The following NDUFAF2 variants were observed in gnomAD, a reference collection of about 807,000 sequenced individuals.
NDUFAF2 encodes the protein NADH:ubiquinone oxidoreductase complex assembly factor 2, also known as NADH dehydrogenase [ubiquinone] 1 alpha subcomplex assembly factor 2.
A neutral mutation model predicts 22.8 loss-of-function variants in NDUFAF2; 13 were observed. That is an observed-to-expected ratio of 0.57 (90% CI 0.37 to 0.91). The LOEUF is 0.91. Ranked by LOEUF, NDUFAF2 falls within the 40% of genes least tolerant of loss-of-function variation. The pLI is 0.01. For missense variants in NDUFAF2, 162 were observed against 195.2 expected (o/e 0.83, Z 1.01); for synonymous variants, 53 against 64.2 (o/e 0.83, Z 0.84).
At chr5:61,128,596 A>G (rs1753067155) in intron 3 of NDUFAF2, among the ~76,000 whole-genome samples, 1 of 152,222 alleles carries the variant, frequency 6.6e-6, no homozygotes, top group South Asian at 2.1e-4. Context: ...GGCTAGCCAT[A>G]TGTAGAGAGC....
intron 1 of NDUFAF2, among the ~76,000 whole-genome samples, chr5:61,066,777 A>G (rs920534207): frequency 6.6e-6 from 1 of 152,068 alleles, no homozygotes; most frequent in Non-Finnish European, 1.5e-5. Context: ...GTATTTTTTA[A>G]ATTTGTATTT....
rs569012292 is a variant in NDUFAF2, at chr5:61,149,156, A to G, written c.259-3548A>G. 4.6e-5 allele frequency among the ~76,000 whole-genome samples: 7 copies of G among 152,230 alleles called. No individual in the cohort carries two copies. The South Asian group carries it at 1.5e-3, about 32-fold the overall frequency. On this transcript the variant is annotated intron_variant, in intron 3 of 3. Transcript: ENST00000296597. ...TGGCTAATTTGTGTATTTTTAGTAGAGACAGGGTTTTGCCATGTTGGCCAG... is the reference window on the plus strand; with the variant it reads ...TGGCTAATTTGTGTATTTTTAGTAGGGACAGGGTTTTGCCATGTTGGCCAG...
At chr5:61,101,092 A>ACC (rs1752700007) in intron 3 of NDUFAF2, among the ~76,000 whole-genome samples, 1 of 152,142 alleles carries the variant, frequency 6.6e-6, no homozygotes, top group Non-Finnish European at 1.5e-5. Context: ...TACACTCTTC[A>ACC]AATCCAAATT....
intron 1 of NDUFAF2, among the ~76,000 whole-genome samples, chr5:60,981,115 A>G (rs190911179): frequency 3.9e-5 from 6 of 152,276 alleles, no homozygotes; most frequent in Admixed American, 3.9e-4. Context: ...TTTAACCCAA[A>G]TAAGACTACC....
intron 1 of NDUFAF2, among the ~76,000 whole-genome samples, chr5:61,056,174 C>T (rs900287359): frequency 6.6e-6 from 1 of 152,090 alleles, no homozygotes; most frequent in Non-Finnish European, 1.5e-5. Context: ...TTATTTTATT[C>T]TTTTGTAGGT....
intron 1 of NDUFAF2, among the ~76,000 whole-genome samples, chr5:60,948,066 A>G (rs1750487263): frequency 6.6e-6 from 1 of 152,140 alleles, no homozygotes; most frequent in South Asian, 2.1e-4. Flanking sequence ...TGAAACCATC[A>G]ACACAGTCAA....
chr5:61,131,398 C>T (rs1418217059), intron 3 of NDUFAF2, among the ~76,000 whole-genome samples: 1 of 151,972 alleles, frequency 6.6e-6, no homozygotes, highest in Non-Finnish European at 1.5e-5. Context: ...GTTGTAGAGA[C>T]AGGGTCTCAC....
At chr5:61,066,988 T>C (rs1418392130) in intron 1 of NDUFAF2, among the ~76,000 whole-genome samples, 1 of 152,052 alleles carries the variant, frequency 6.6e-6, no homozygotes, top group Non-Finnish European at 1.5e-5. Flanking sequence ...GTAGCAGATA[T>C]GTAAGGTGAA....
rs1561141308 is a variant in NDUFAF2 at position 61,152,516 on chromosome 5, T to C, written c.259-188T>C. On this transcript the variant is annotated intron_variant, in intron 3 of 3. Coordinates refer to ENST00000296597, the MANE Select transcript of NDUFAF2 (RefSeq NM_174889.5). ...AGCATAAAATCAGGACAGAACTGTT[T>C]ATGTAACATTAGTATGTAATCATAC... Among the ~76,000 whole-genome samples the C allele has an allele frequency of 1.3e-5, 2 of 152,288 alleles. 1 individual carries two copies. The highest frequency in any genetic ancestry group is 3.9e-4 in the East Asian group (2 of 5,182).
At chr5:60,994,656 T>A (rs1319672662) in intron 1 of NDUFAF2, among the ~76,000 whole-genome samples, 2 of 152,230 alleles carry the variant, frequency 1.3e-5, no homozygotes, top group African/African-American at 4.8e-5. Context: ...TATTATTAAA[T>A]GTCTTGAAGT....
At chr5:60,969,309 A>G (rs561178817) in intron 1 of NDUFAF2, among the ~76,000 whole-genome samples, 4 of 152,256 alleles carry the variant, frequency 2.6e-5, no homozygotes, top group African/African-American at 9.6e-5. Flanking sequence ...CAGTGATTGT[A>G]CTAATTTACA....
At chr5:61,067,110 A>T (rs1261745788) in intron 1 of NDUFAF2, among the ~76,000 whole-genome samples, 1 of 152,112 alleles carries the variant, frequency 6.6e-6, no homozygotes, top group East Asian at 1.9e-4. Context: ...ACAAAAAGGG[A>T]TAACTGTGAG....
intron 3 of NDUFAF2, among the ~76,000 whole-genome samples, chr5:61,106,477 C>T (rs1346090548): frequency 2.0e-5 from 3 of 151,218 alleles, no homozygotes; most frequent in African/African-American, 4.9e-5. Flanking sequence ...GCATACAATG[C>T]GTAATAATCA....
At chr5:61,054,561 G>T (rs538549608) in intron 1 of NDUFAF2, among the ~76,000 whole-genome samples, 79 of 152,274 alleles carry the variant, frequency 5.2e-4, no homozygotes, top group Non-Finnish European at 1.0e-3. Flanking sequence ...GTAGCATTCA[G>T]TAACGATTTC....
intron 1 of NDUFAF2, among the ~76,000 whole-genome samples, chr5:61,042,534 G>A (rs1243953022): frequency 6.6e-6 from 1 of 152,122 alleles, no homozygotes; most frequent in Non-Finnish European, 1.5e-5. Context: ...ATAAAGAGGG[G>A]TTGCCAGTTG....
At chr5:61,021,617 C>T (rs926693267) in intron 1 of NDUFAF2, among the ~76,000 whole-genome samples, 1 of 152,162 alleles carries the variant, frequency 6.6e-6, no homozygotes, top group Non-Finnish European at 1.5e-5. Context: ...ATATCATTTT[C>T]CTTCCCCCAC....
intron 1 of NDUFAF2, among the ~76,000 whole-genome samples, chr5:60,957,131 A>G (rs1023271643): frequency 6.6e-6 from 1 of 151,868 alleles, no homozygotes; most frequent in Non-Finnish European, 1.5e-5. Flanking sequence ...TTCTAACTTG[A>G]GAATCACTGT....
At chr5:61,116,337 A>G (rs1752912267) in intron 3 of NDUFAF2, 1 of 152,208 alleles carries the variant, frequency 6.6e-6, no homozygotes, top group African/African-American at 2.4e-5. Flanking sequence ...TTAAAAACTT[A>G]AAATAACTGC....
chr5:61,133,340 G>A (rs1281127208), intron 3 of NDUFAF2, among the ~76,000 whole-genome samples: 1 of 152,164 alleles, frequency 6.6e-6, no homozygotes, highest in Non-Finnish European at 1.5e-5. Flanking sequence ...TCCTAAGTTA[G>A]GAAGTCCTTA....
Sources: allele counts gnomAD v4.1 joint callset (sites outside exome capture counted in the v4.1 genomes callset), GRCh38; gene constraint gnomAD v4.1.1; transcripts MANE v1.5; gene names NCBI Gene and HGNC (gene_info 2026-07-23, HGNC 2026-07-21).